The following CDA variants were observed in gnomAD, a reference collection of about 807,000 sequenced individuals.
The protein encoded by CDA is cytidine aminohydrolase.
In CDA, 7 loss-of-function variants were observed where a neutral mutation model predicts 15.0. The observed-to-expected ratio is 0.47, with a 90% confidence interval of 0.26 to 0.87. The LOEUF is 0.87. Ranked by LOEUF, CDA falls within the 40% of genes least tolerant of loss-of-function variation. CDA has a pLI of 0.15. For missense variants in CDA, 159 were observed against 182.7 expected, an observed-to-expected ratio of 0.87 and a Z score of 0.75; for synonymous variants, 58 against 73.0, an observed-to-expected ratio of 0.79 and a Z score of 1.05.
chr1:20,618,352 A>T, intron 3 of CDA, 100 bp from the exon 4 acceptor site: 1 of 724,836 alleles, frequency 1.4e-6, no homozygotes, highest in South Asian at 1.5e-5. Context: ...CAAGGTAAAG[A>T]GAGGAACATT....
intron 3 of CDA, 144 bp downstream of exon 3, chr1:20,614,043 G>A (rs1248705827): frequency 1.4e-6 from 1 of 714,058 alleles, no homozygotes; most frequent in Admixed American, 2.0e-5. Flanking sequence ...TGACTTCTAA[G>A]GCCTCCCTAC....
chr1:20,597,396 G>T (rs1228312777), intron 1 of CDA, among the ~76,000 whole-genome samples: 1 of 152,202 alleles, frequency 6.6e-6, no homozygotes, highest in Non-Finnish European at 1.5e-5. Flanking sequence ...AGCCAGGATC[G>T]TGACACTGCA....
chr1:20,611,582 T>C (rs1441673210), intron 2 of CDA, among the ~76,000 whole-genome samples: 3 of 152,150 alleles, frequency 2.0e-5, no homozygotes, highest in Admixed American at 6.5e-5. Flanking sequence ...GGTCCCACCA[T>C]GTTGGCCAGG....
intron 2 of CDA, among the ~76,000 whole-genome samples, chr1:20,608,844 G>A (rs770591674): frequency 1.1e-4 from 16 of 152,256 alleles, no homozygotes; most frequent in Middle Eastern, 6.8e-3. Context: ...TGGGCAAGTC[G>A]TTTCACCTTT....
At position 20,618,649 on chromosome 1, in the gene CDA, C is replaced by A; in HGVS notation, c.*81C>A. Reference sequence around the variant, plus strand: ...TCTCACAGCCCTGGGGACACCTGCCCAGTGGGCCCCAGCCCTACAGGGACT... The same window carrying A: ...TCTCACAGCCCTGGGGACACCTGCCAAGTGGGCCCCAGCCCTACAGGGACT... On this transcript the variant is annotated 3_prime_UTR_variant, in exon 4 of 4. Coordinates refer to ENST00000375071, the MANE Select transcript of CDA (RefSeq NM_001785.3). 1 of 855,576 alleles carries A rather than the reference C, an allele frequency of 1.2e-6. No homozygotes were observed. The highest frequency in any genetic ancestry group is 2.4e-5 in the East Asian group (1 of 41,208). The allele number at this position is 855,576 out of a possible 1,614,324, so 53.0% of individuals were successfully genotyped here. A position where few individuals can be genotyped will look rare whatever the true frequency, so the allele number is the denominator to read the frequency against.
chr1:20,604,854 C>A, intron 1 of CDA, 74 bp from the exon 2 acceptor site: 2 of 1,014,316 alleles, frequency 2.0e-6, no homozygotes, highest in Non-Finnish European at 3.1e-6. Context: ...TGGAATGGGG[C>A]AAACTTCTTA....
At position 20,589,256 on chromosome 1, in the gene CDA, C is replaced by T. The variant is rs2052527117; in HGVS notation, c.127C>T (p.Leu43Phe). Residue 43 changes from leucine to phenylalanine, a missense_variant, in exon 1 of 4, where the codon CTC becomes TTC. By Grantham distance (22) the Leu-to-Phe change is conservative (BLOSUM62 0). Transcript: ENST00000375071. Reference protein sequence around the residue: ...YSHFPVGAALLTQEGRIFKGC... With the variant: ...YSHFPVGAALFTQEGRIFKGC... ...TCACTTTCCTGTGGGGGCTGCCCTG[C>T]TCACCCAGGAGGGGAGAATCTTCAA... The T allele has an allele frequency of 1.2e-6, 2 of 1,614,104 alleles. No homozygotes were observed. The highest frequency in any genetic ancestry group is 1.7e-6 in the Non-Finnish European group (2 of 1,180,004).
chr1:20,618,415 C>T (rs777904519), intron 3 of CDA, 37 bp from the exon 4 acceptor site: 7 of 1,249,660 alleles, frequency 5.6e-6, no homozygotes, highest in African/African-American at 4.4e-5. Flanking sequence ...CCCTCAGCCA[C>T]GCTGTGTCTC....
At position 20,589,116 on chromosome 1, in the gene CDA, C is replaced by T. The variant is rs1417223054; in HGVS notation, c.-14C>T. ...CTGTTTCCCGCTGCTCTGCTGCCTG[C>T]CCGGGGTACCAACATGGCCCAGAAG... is the stretch of plus-strand genomic sequence containing the variant. On this transcript the variant is annotated 5_prime_UTR_variant, in exon 1 of 4. Coordinates refer to ENST00000375071, the MANE Select transcript of CDA (RefSeq NM_001785.3). The T allele has an allele frequency of 1.9e-6, 3 of 1,613,908 alleles. No homozygotes were observed. In the Admixed American group the frequency reaches 5.0e-5, roughly 27 times the overall value.
At chr1:20,596,756 CTTTTTTTTTTTTT>C (rs61288769) in intron 1 of CDA, among the ~76,000 whole-genome samples, 1 of 101,118 alleles carries the variant, frequency 9.9e-6, no homozygotes, top group East Asian at 3.1e-4. Flanking sequence ...CTGTTGATGT[CTTTTTTTTTTTTT>C]TTTTTTTTTG....
intron 3 of CDA, among the ~76,000 whole-genome samples, chr1:20,618,188 T>C (rs1557553118): frequency 7.4e-6 from 1 of 135,510 alleles, no homozygotes; most frequent in Admixed American, 7.5e-5. Flanking sequence ...GGGTTAGCTG[T>C]TGCTCTTATA....
chr1:20,597,030 G>A (rs2052597189), intron 1 of CDA, among the ~76,000 whole-genome samples: 1 of 152,044 alleles, frequency 6.6e-6, no homozygotes, highest in African/African-American at 2.4e-5. Flanking sequence ...TAAAAGTACT[G>A]GGATTACAGG....
intron 3 of CDA, 113 bp from the exon 4 acceptor site, chr1:20,618,339 A>G (rs748730739): frequency 3.9e-5 from 28 of 712,618 alleles, no homozygotes; most frequent in Admixed American, 2.4e-4. Context: ...CAGATGAGAA[A>G]ATCAAGGTAA....
At chr1:20,591,284 A>G (rs1487469277) in intron 1 of CDA, among the ~76,000 whole-genome samples, 1 of 151,948 alleles carries the variant, frequency 6.6e-6, no homozygotes, top group Middle Eastern at 3.2e-3. Flanking sequence ...GAGCTTGCAG[A>G]GAGCCGAGAT....
rs370506842 is a variant in CDA, at chr1:20,605,036, C to T, written c.263C>T (p.Ala88Val). ...AAGGATTTCAGGGCAATTGCTATCG[C>T]CAGGTGAGTGGGAAAGCCAGGTTGC... Reference protein sequence around the residue: ...GYKDFRAIAIASDMQDDFISP... With the variant: ...GYKDFRAIAIVSDMQDDFISP... The change falls in exon 2 of 4, where the codon GCC becomes GTC. Residue 88 changes from alanine to valine, a missense_variant. By Grantham distance (64) the Ala-to-Val change is moderately conservative. Coordinates refer to ENST00000375071, the MANE Select transcript of CDA (RefSeq NM_001785.3). The T allele has an allele frequency of 2.5e-5, 40 of 1,597,196 alleles. No individual in the cohort carries two copies. Among genetic ancestry groups the T allele is most frequent in the Non-Finnish European group, 3.3e-5 (38 of 1,165,020 alleles).
At chr1:20,600,317 AG>A (rs886397812) in intron 1 of CDA, among the ~76,000 whole-genome samples, 1 of 152,120 alleles carries the variant, frequency 6.6e-6, no homozygotes, top group Non-Finnish European at 1.5e-5. Flanking sequence ...GGAAGCTGGA[AG>A]GGCGGGGCTG....
chr1:20,591,749 G>T (rs1295692134), intron 1 of CDA, among the ~76,000 whole-genome samples: 2 of 152,158 alleles, frequency 1.3e-5, no homozygotes, highest in Non-Finnish European at 2.9e-5. Context: ...AGGTTCCTGG[G>T]TTGGAAGGCT....
At chr1:20,602,476 C>T (rs1046082362) in intron 1 of CDA, among the ~76,000 whole-genome samples, 13 of 151,900 alleles carry the variant, frequency 8.6e-5, no homozygotes, top group East Asian at 3.9e-4. Context: ...CAGGCTGGAG[C>T]GCAGTGGCAT....
intron 2 of CDA, among the ~76,000 whole-genome samples, chr1:20,610,695 A>G (rs1381839309): frequency 1.3e-5 from 2 of 152,258 alleles, no homozygotes; most frequent in African/African-American, 4.8e-5. Context: ...TACTAAAATT[A>G]TGACAGAGCT....
Sources: gnomAD v4.1 joint callset for allele counts (sites outside exome capture counted in the v4.1 genomes callset) on GRCh38, gnomAD v4.1.1 for gene constraint, MANE v1.5 for transcripts, NCBI Gene and HGNC (gene_info 2026-07-23, HGNC 2026-07-21) for gene names.